STRIP1: variants seen among roughly 807,000 people sequenced by gnomAD.
STRIP1 encodes the protein striatin interacting protein 1, also known as striatin-interacting protein 1.
Under a neutral mutation model 106.2 loss-of-function variants are expected in STRIP1, and 63 were observed. The ratio of observed to expected loss-of-function variants is 0.59; its 90% CI spans 0.48 to 0.73. The LOEUF (loss-of-function observed/expected upper bound fraction) is 0.73. Among genes scored for constraint, STRIP1 ranks in the 30% least tolerant of loss-of-function variants. STRIP1 has a pLI of 0.00. For missense variants in STRIP1, 857 were observed against 1,074.8 expected, an observed-to-expected ratio of 0.80 and a Z score of 2.83; for synonymous variants, 390 against 413.0, an observed-to-expected ratio of 0.94 and a Z score of 0.67.
chr1:110,033,270 G>A (rs1261119967), upstream of STRIP1, among the ~76,000 whole-genome samples: 2 of 95,818 alleles, frequency 2.1e-5, no homozygotes, highest in Non-Finnish European at 4.1e-5. Flanking sequence ...CTCAATTTTT[G>A]TTACTTCTGA....
upstream of STRIP1, among the ~76,000 whole-genome samples, chr1:110,034,164 C>T (rs1017678222): frequency 6.6e-6 from 1 of 152,222 alleles, no homozygotes; most frequent in South Asian, 2.1e-4. Context: ...ACCGTGACTG[C>T]AGACACTTGT....
intron 12 of STRIP1, 83 bp downstream of exon 12, chr1:110,045,161 G>A: frequency 1.5e-6 from 2 of 1,302,786 alleles, no homozygotes; most frequent in Non-Finnish European, 2.2e-6. Context: ...AGCCTTTTAA[G>A]ACTGTTGTCT....
chr1:110,042,000 A>C, intron 8 of STRIP1, 139 bp downstream of exon 8: 1 of 1,047,592 alleles, frequency 9.5e-7, no homozygotes, highest in Non-Finnish European at 1.4e-6. Flanking sequence ...AAGCTGCTAA[A>C]AGGAGATGAC....
chr1:110,040,575 C>T, intron 5 of STRIP1, 60 bp from the exon 6 acceptor site: 2 of 1,514,382 alleles, frequency 1.3e-6, no homozygotes, highest in Non-Finnish European at 1.8e-6. Context: ...CAGTACTTGT[C>T]AGGGACATCA....
At chr1:110,049,438 T>C (rs1443023938) in intron 16 of STRIP1, 22 bp from the exon 17 acceptor site, 2 of 1,561,602 alleles carry the variant, frequency 1.3e-6, no homozygotes, top group Non-Finnish European at 1.7e-6. Flanking sequence ...TTTTTTTTTT[T>C]TTTTTTTCCT....
intron 1 of STRIP1, among the ~76,000 whole-genome samples, chr1:110,035,305 A>G (rs1045792764): frequency 2.0e-5 from 3 of 152,168 alleles, no homozygotes; most frequent in African/African-American, 7.2e-5. Flanking sequence ...TCTGGAAGGA[A>G]CTTAGAGCCG....
chr1:110,042,372 G>A (rs1208570536), intron 8 of STRIP1, among the ~76,000 whole-genome samples: 1 of 152,232 alleles, frequency 6.6e-6, no homozygotes, highest in Non-Finnish European at 1.5e-5. Context: ...TTAGCAGCCA[G>A]GCCATGCCAG....
Position 110,046,547 on chromosome 1 carries a change from G to A in STRIP1, c.1417-133G>A, listed in dbSNP as rs1653027215. On this transcript the variant is annotated intron_variant, in intron 12 of 20. Transcript: ENST00000369795. ...TCTGGGGTTTGGGATTTTAGCTAGG[G>A]ATTTTTGTGGTGACTTAATCCTCTT... The A allele has an allele frequency of 4.0e-6, 3 of 744,020 alleles. No homozygotes were observed. In the South Asian group the frequency reaches 4.8e-5, roughly 12 times the overall value. The allele number at this position is 744,020 out of a possible 1,614,324, so 46.1% of individuals were successfully genotyped here. A position where few individuals can be genotyped will look rare whatever the true frequency, so the allele number is the denominator to read the frequency against.
chr1:110,032,809 C>T (rs939636405), upstream of STRIP1, among the ~76,000 whole-genome samples: 1 of 152,236 alleles, frequency 6.6e-6, no homozygotes, highest in Non-Finnish European at 1.5e-5. Flanking sequence ...GGTCCCCTAA[C>T]ATGTCTTGCC....
In STRIP1 at chr1:110,045,054, C is replaced by G; in HGVS notation, c.1392C>G (p.His464Gln). 2 of 1,614,082 alleles carry G rather than the reference C, an allele frequency of 1.2e-6. No individual in the cohort carries two copies. The highest frequency in any genetic ancestry group is 1.7e-6 in the Non-Finnish European group (2 of 1,180,012). The change falls in exon 12 of 21, where the codon CAC becomes CAG. Residue 464 changes from histidine (H) to glutamine (Q), a missense_variant. Physicochemically the swap from His to Gln is conservative, Grantham distance 24. Around this residue, in one of 2 missense-constraint regions of STRIP1, gnomAD observed 750 missense variants for 989.8 expected, o/e 0.76. Coordinates refer to ENST00000369795, the MANE Select transcript of STRIP1 (RefSeq NM_033088.4). ...NTVVGLPRPI[H>Q]ESIKTLKQHK... ...TGGTGGGGCTGCCCAGGCCAATCCA[C>G]GAAAGCATCAAGACTCTGAAACAGG...
intron 1 of STRIP1, among the ~76,000 whole-genome samples, chr1:110,036,990 T>C (rs1335085199): frequency 6.6e-6 from 1 of 152,066 alleles, no homozygotes; most frequent in Non-Finnish European, 1.5e-5. Flanking sequence ...TGTAAAAATA[T>C]ATTTTTAAAA....
chr1:110,051,390 C>T (rs549021325), intron 19 of STRIP1, among the ~76,000 whole-genome samples: 24 of 152,202 alleles, frequency 1.6e-4, no homozygotes, highest in Non-Finnish European at 3.4e-4. Flanking sequence ...TCCTTGAATC[C>T]TCTGATAACT....
chr1:110,049,874 C>A, intron 17 of STRIP1: 1 of 311,948 alleles, frequency 3.2e-6, no homozygotes, highest in Non-Finnish European at 5.9e-6. Context: ...GGGCTGCTTG[C>A]TGTCTCTAAG....
At chr1:110,039,776 C>T in intron 5 of STRIP1, 1 of 1,314,450 alleles carries the variant, frequency 7.6e-7, no homozygotes, top group Non-Finnish European at 1.0e-6. Context: ...GCCTGGGGTG[C>T]TCCTCAGAAG....
At chr1:110,050,247 G>A (rs1437246652) in intron 17 of STRIP1, 96 bp from the exon 18 acceptor site, 4 of 1,196,196 alleles carry the variant, frequency 3.3e-6, no homozygotes, top group Non-Finnish European at 3.7e-6. Context: ...TCCAACAAGT[G>A]AGGGAGGAAA....
chr1:110,040,636 A>G lies in STRIP1; in HGVS notation c.583A>G (p.Asn195Asp). ...LVELLNMEID[N>D]SAACSSAVRK... ...GCTGACTCTCAAAATCTCCTGCAGC[A>G]ACAGTGCCGCCTGCAGCAGTGCTGT... The change falls in exon 6 of 21, where the codon AAC becomes GAC. Residue 195 changes from asparagine to aspartate, a missense_variant and splice_region_variant. Around this residue, in one of 2 missense-constraint regions of STRIP1, gnomAD observed 750 missense variants for 989.8 expected, o/e 0.76. Coordinates refer to ENST00000369795, the MANE Select transcript of STRIP1 (RefSeq NM_033088.4). 1 of 1,611,138 alleles carries G rather than the reference A, an allele frequency of 6.2e-7. No individual in the cohort carries two copies. Among genetic ancestry groups the G allele is most frequent in the South Asian group, 1.1e-5 (1 of 90,440 alleles).
At chr1:110,045,479 T>TA (rs778489038) in intron 12 of STRIP1, 4,522 of 102,740 alleles carry the variant, frequency 0.044, 216 homozygotes, top group African/African-American at 0.12. Context: ...CCGGATTCTT[T>TA]AAAAAAAAAA....
At position 110,054,144 on chromosome 1, in the gene STRIP1, T is replaced by C; in HGVS notation, c.*232T>C. The C allele has an allele frequency of 1.9e-6, 1 of 534,320 alleles. No homozygotes were observed. The allele number at this position is 534,320 out of a possible 1,614,324, so 33.1% of individuals were successfully genotyped here. On this transcript the variant is annotated 3_prime_UTR_variant, in exon 21 of 21. Coordinates refer to ENST00000369795, the MANE Select transcript of STRIP1 (RefSeq NM_033088.4). ...GCCTGAGATCCATTCTTCCTTTACTTCCCCCACCCTCCTCTCTTGGATATG... is the reference window on the plus strand; with the variant it reads ...GCCTGAGATCCATTCTTCCTTTACTCCCCCCACCCTCCTCTCTTGGATATG...
intron 1 of STRIP1, 93 bp from the exon 2 acceptor site, chr1:110,037,798 T>C (rs1652530765): frequency 1.2e-6 from 1 of 856,836 alleles, no homozygotes; most frequent in Non-Finnish European, 1.9e-6. Context: ...GTGGAGGCAG[T>C]GGTGTCCTGT....
Sources: gnomAD v4.1 joint callset for allele counts (sites outside exome capture counted in the v4.1 genomes callset) on GRCh38, gnomAD v4.1.1 for gene constraint, gnomAD v4.1.1 regional missense constraint, MANE v1.5 for transcripts, NCBI Gene and HGNC (gene_info 2026-07-23, HGNC 2026-07-21) for gene names.